SORCS2: variants seen among roughly 807,000 people sequenced by gnomAD.
SORCS2 encodes the protein VPS10 domain-containing receptor SorCS2.
A neutral mutation model predicts 141.6 loss-of-function variants in SORCS2; 100 were observed. The ratio of observed to expected loss-of-function variants is 0.71; its 90% CI spans 0.60 to 0.83. SORCS2 has a LOEUF of 0.83. Among genes scored for constraint, SORCS2 ranks in the 40% least tolerant of loss-of-function variants. SORCS2 has a pLI of 0.00. For synonymous variants in SORCS2, 789 were observed against 676.9 expected, an observed-to-expected ratio of 1.17 and a Z score of -2.57; for missense variants, 1,646 against 1,560.2, an observed-to-expected ratio of 1.05 and a Z score of -0.93.
At chr4:7,618,895 G>A (rs1335606521) in intron 3 of SORCS2, among the ~76,000 whole-genome samples, 1 of 152,060 alleles carries the variant, frequency 6.6e-6, no homozygotes. Context: ...CTCGGGCGGG[G>A]GCAGGAAGCT....
chr4:7,485,790 C>T (rs945528883), intron 2 of SORCS2, among the ~76,000 whole-genome samples: 15 of 152,102 alleles, frequency 9.9e-5, no homozygotes, highest in Non-Finnish European at 1.9e-4. Context: ...GATGAGGCTC[C>T]CAGTGGCAGG....
intron 1 of SORCS2, among the ~76,000 whole-genome samples, chr4:7,331,797 C>T (rs1478891894): frequency 3.9e-5 from 6 of 152,200 alleles, no homozygotes; most frequent in Admixed American, 3.3e-4. Flanking sequence ...CAGTCCTTTA[C>T]CTCCTGTGAG....
At chr4:7,653,034 C>T (rs78832432) in intron 4 of SORCS2, among the ~76,000 whole-genome samples, 2,164 of 151,604 alleles carry the variant, frequency 0.014, 52 homozygotes, top group African/African-American at 0.048. Flanking sequence ...GTGCTCTGGG[C>T]GCCCACCCCT....
At chr4:7,330,028 T>C (rs747264344) in intron 1 of SORCS2, among the ~76,000 whole-genome samples, 3 of 151,974 alleles carry the variant, frequency 2.0e-5, no homozygotes, top group Non-Finnish European at 4.4e-5. Context: ...CTGGAGGCTC[T>C]AGGGGAAAAT....
At chr4:7,420,660 C>T (rs1372841835) in intron 2 of SORCS2, among the ~76,000 whole-genome samples, 1 of 152,128 alleles carries the variant, frequency 6.6e-6, no homozygotes, top group Non-Finnish European at 1.5e-5. Context: ...CGCCACTGAG[C>T]CCATTGCCTC....
At chr4:7,585,673 G>A (rs1301686550) in intron 3 of SORCS2, among the ~76,000 whole-genome samples, 2 of 152,134 alleles carry the variant, frequency 1.3e-5, no homozygotes, top group African/African-American at 2.4e-5. Flanking sequence ...TGTTTTATGC[G>A]AATGGTTTCA....
chr4:7,363,364 T>C lies in SORCS2; in HGVS notation c.481-32924T>C, dbSNP rs1237378457. 4.0e-5 allele frequency among the ~76,000 whole-genome samples: 6 copies of C among 151,878 alleles called. No individual in the cohort carries two copies. In the East Asian group the frequency reaches 1.2e-3, roughly 30 times the overall value. ...ATCACCACCACCACCATCATTACTA[T>C]CACCACTATCACCACCGTCATTGCT... On this transcript the variant is annotated intron_variant, in intron 1 of 26. Transcript: ENST00000507866.
rs183642910 is a variant in SORCS2 at position 7,226,916 on chromosome 4, T to G, written c.480+33790T>G. 2.0e-5 allele frequency among the ~76,000 whole-genome samples: 3 copies of G among 152,330 alleles called. No homozygotes were observed. In the East Asian group the frequency reaches 5.8e-4, roughly 29 times the overall value. On this transcript the variant is annotated intron_variant, in intron 1 of 26. Transcript: ENST00000507866. Reference sequence around the variant, plus strand: ...TCACACGCACAAATTGAATGATGCCTTGCTAGCAAGTGAGTTCCTCGATGC... The same window carrying G: ...TCACACGCACAAATTGAATGATGCCGTGCTAGCAAGTGAGTTCCTCGATGC...
At chr4:7,587,707 G>C (rs1716631438) in intron 3 of SORCS2, among the ~76,000 whole-genome samples, 1 of 152,178 alleles carries the variant, frequency 6.6e-6, no homozygotes, top group Non-Finnish European at 1.5e-5. Context: ...CTGGGCCCAG[G>C]CGTGTCTGCC....
intron 2 of SORCS2, among the ~76,000 whole-genome samples, chr4:7,406,930 T>C (rs1318345080): frequency 6.6e-6 from 1 of 152,140 alleles, no homozygotes; most frequent in African/African-American, 2.4e-5. Flanking sequence ...TCTCAATTTC[T>C]TTATTGACCC....
At chr4:7,586,592 G>C (rs1374676543) in intron 3 of SORCS2, among the ~76,000 whole-genome samples, 1 of 152,158 alleles carries the variant, frequency 6.6e-6, no homozygotes, top group East Asian at 1.9e-4. Context: ...TGGTTTTTCT[G>C]TTCCTGTGTT....
chr4:7,425,883 C>T (rs1044367846), intron 2 of SORCS2, among the ~76,000 whole-genome samples: 19 of 152,222 alleles, frequency 1.2e-4, no homozygotes, highest in African/African-American at 3.1e-4. Context: ...TCCACACTTC[C>T]GGGCCCTGGC....
chr4:7,724,579 ATGGTGG>A (rs1323871824), intron 19 of SORCS2, among the ~76,000 whole-genome samples: 1 of 37,638 alleles, frequency 2.7e-5, no homozygotes, highest in Non-Finnish European at 5.1e-5. Flanking sequence ...GGTGATGGTG[ATGGTGG>A]TGGTGTTGGT....
intron 11 of SORCS2, among the ~76,000 whole-genome samples, chr4:7,693,931 T>G (rs182005658): frequency 2.3e-3 from 357 of 152,270 alleles, no homozygotes; most frequent in Non-Finnish European, 4.0e-3. Context: ...CTGTGGACAC[T>G]CACCGGGCCC....
intron 2 of SORCS2, among the ~76,000 whole-genome samples, chr4:7,478,384 C>A (rs981703411): frequency 3.0e-4 from 46 of 152,202 alleles, no homozygotes; most frequent in African/African-American, 1.1e-3. Context: ...AGGCCTCCCA[C>A]ACCCCCTTAT....
At position 7,505,954 on chromosome 4, in the gene SORCS2, G is replaced by A. The variant is rs1415036862; in HGVS notation, c.549-25576G>A. Among the ~76,000 whole-genome samples the A allele has an allele frequency of 3.9e-5, 6 of 152,138 alleles. No homozygotes were observed. The East Asian group carries it at 5.8e-4, about 15-fold the overall frequency. Reference sequence around the variant, plus strand: ...TAGTCTTCTGTGCCTCCACTTCCGCGGCTATAAAACACCCAACTCCCAGAG... The same window carrying A: ...TAGTCTTCTGTGCCTCCACTTCCGCAGCTATAAAACACCCAACTCCCAGAG... On this transcript the variant is annotated intron_variant, in intron 2 of 26. Transcript: ENST00000507866.
chr4:7,309,681 A>C (rs1718058873), intron 1 of SORCS2, among the ~76,000 whole-genome samples: 1 of 152,156 alleles, frequency 6.6e-6, no homozygotes. Context: ...AGGAGTGGTT[A>C]CCATACACCT....
intron 1 of SORCS2, among the ~76,000 whole-genome samples, chr4:7,271,303 A>G (rs963337547): frequency 1.3e-5 from 2 of 152,132 alleles, no homozygotes; most frequent in African/African-American, 2.4e-5. Context: ...GTGGCCCCAC[A>G]CGGCCCTAAC....
chr4:7,562,128 C>A (rs16840497), intron 3 of SORCS2, among the ~76,000 whole-genome samples: 7,503 of 152,258 alleles, frequency 0.049, 585 homozygotes, highest in African/African-American at 0.16. Context: ...AATTGAACTT[C>A]TCGATTGATT....
Sources: gnomAD v4.1 joint callset for allele counts (sites outside exome capture counted in the v4.1 genomes callset) on GRCh38, gnomAD v4.1.1 for gene constraint, MANE v1.5 for transcripts, NCBI Gene and HGNC (gene_info 2026-07-23, HGNC 2026-07-21) for gene names.